The following CD226 variants were observed in gnomAD, a reference collection of about 807,000 sequenced individuals.
The protein encoded by CD226 is CD226 molecule.
Under a neutral mutation model 34.9 loss-of-function variants are expected in CD226, and 24 were observed. That is an observed-to-expected ratio of 0.69 (90% CI 0.50 to 0.97). The LOEUF (loss-of-function observed/expected upper bound fraction) is 0.97. CD226 is among the 50% of genes least tolerant of loss of function. The pLI is 0.00. For missense variants in CD226, 397 were observed against 412.7 expected (o/e 0.96, Z 0.33); for synonymous variants, 148 against 147.4 (o/e 1.00, Z -0.03).
chr18:69,943,973 CTT>C (rs11350418), intron 2 of CD226, among the ~76,000 whole-genome samples: 138 of 136,858 alleles, frequency 1.0e-3, no homozygotes, highest in Admixed American at 1.1e-3. Context: ...GATTCCAAGT[CTT>C]TTTTTTTTTT....
intron 2 of CD226, among the ~76,000 whole-genome samples, chr18:69,936,332 G>A (rs1349676466): frequency 1.3e-5 from 2 of 152,140 alleles, no homozygotes; most frequent in Non-Finnish European, 2.9e-5. Context: ...GCTTAGCACA[G>A]GGAAAGCACG....
intron 3 of CD226, among the ~76,000 whole-genome samples, chr18:69,887,725 T>A (rs960457433): frequency 5.3e-5 from 8 of 152,222 alleles, no homozygotes; most frequent in African/African-American, 1.9e-4. Flanking sequence ...GCCACTCATA[T>A]CTAAAGGATT....
At chr18:69,957,843 G>A (rs938184693), upstream of CD226, among the ~76,000 whole-genome samples, 4 of 152,176 alleles carry the variant, frequency 2.6e-5, no homozygotes, top group Admixed American at 6.5e-5. Flanking sequence ...TCCCTTCAAT[G>A]CCTCACTGTC....
In CD226 at chr18:69,922,696, C is replaced by A. The variant is rs193136756; in HGVS notation, c.382+24038G>T. On this transcript the variant is annotated intron_variant, in intron 2 of 5. Transcript: ENST00000582621. ...AAATCTTATCTAGTCAAGAAACAGA[C>A]CAGGCCATTGTGAGGATGCACAGTG... Among the ~76,000 whole-genome samples, 193 of 152,270 alleles carry A rather than the reference C, an allele frequency of 1.3e-3. 4 individuals carry two copies. The highest frequency in any genetic ancestry group is 0.013 in the South Asian group (61 of 4,830).
rs886461014 is a variant in CD226 at position 69,941,295 on chromosome 18, G to T, written c.382+5439C>A. Among the ~76,000 whole-genome samples, 4 of 152,300 alleles carry T rather than the reference G, an allele frequency of 2.6e-5. No homozygotes were observed. In the East Asian group the frequency reaches 7.7e-4, roughly 29 times the overall value. ...TGTCTAGTAGAGCTGTGAGAAGAGG[G>T]CCACCATCCTTCAGACCCCACAATC... is the stretch of plus-strand genomic sequence containing the variant. On this transcript the variant is annotated intron_variant, in intron 2 of 5. Transcript: ENST00000582621.
intron 3 of CD226, among the ~76,000 whole-genome samples, chr18:69,875,139 AATTTT>A (rs1280978241): frequency 9.2e-5 from 14 of 151,936 alleles, no homozygotes; most frequent in African/African-American, 2.9e-4. Flanking sequence ...ATTTTATTTT[AATTTT>A]ATTTTATTTT....
chr18:69,952,090 A>T (rs1271110573), upstream of CD226, among the ~76,000 whole-genome samples: 2 of 152,228 alleles, frequency 1.3e-5, no homozygotes, highest in African/African-American at 2.4e-5. Context: ...AATACTACAC[A>T]GCCCTAAAAA....
intron 3 of CD226, among the ~76,000 whole-genome samples, chr18:69,877,150 C>G (rs951398775): frequency 6.6e-6 from 1 of 152,200 alleles, no homozygotes; most frequent in Non-Finnish European, 1.5e-5. Flanking sequence ...AGGCGTGAGC[C>G]ACCGTGCCCA....
chr18:69,954,042 T>C (rs2055876446), intron 1 of CD226, among the ~76,000 whole-genome samples: 1 of 152,078 alleles, frequency 6.6e-6, no homozygotes, highest in Non-Finnish European at 1.5e-5. Context: ...GACTAAATCT[T>C]AGGTGAACAA....
chr18:69,951,411 C>T (rs2055853237), upstream of CD226, among the ~76,000 whole-genome samples: 1 of 152,066 alleles, frequency 6.6e-6, no homozygotes, highest in Admixed American at 6.5e-5. Flanking sequence ...TTCTCTCCAT[C>T]CTTGTTTCTA....
At chr18:69,937,662 A>G (rs1256038270) in intron 2 of CD226, among the ~76,000 whole-genome samples, 2 of 152,300 alleles carry the variant, frequency 1.3e-5, no homozygotes, top group African/African-American at 2.4e-5. Flanking sequence ...GAATTAATGG[A>G]TAAGTGGGTT....
At chr18:69,904,873 G>T (rs1459923131) in intron 2 of CD226, among the ~76,000 whole-genome samples, 2 of 152,160 alleles carry the variant, frequency 1.3e-5, no homozygotes, top group Admixed American at 1.3e-4. Flanking sequence ...AACAGAAAAA[G>T]ACATCAAGAG....
chr18:69,948,502 T>G (rs546306916), upstream of CD226, among the ~76,000 whole-genome samples: 1 of 152,320 alleles, frequency 6.6e-6, no homozygotes, highest in African/African-American at 2.4e-5. Context: ...AGTCTCAAAG[T>G]GTATCAGCAA....
At chr18:69,948,762 C>T (rs1203347750), upstream of CD226, among the ~76,000 whole-genome samples, 1 of 152,228 alleles carries the variant, frequency 6.6e-6, no homozygotes, top group Non-Finnish European at 1.5e-5. Flanking sequence ...GTCAACCCAA[C>T]AATTCCTCCA....
chr18:69,872,984 C>T (rs1218936709), intron 4 of CD226, among the ~76,000 whole-genome samples, 160 bp downstream of exon 4: 2 of 152,164 alleles, frequency 1.3e-5, no homozygotes, highest in Non-Finnish European at 2.9e-5. Context: ...TATTCCAGCT[C>T]TCCCTGTAAC....
chr18:69,930,543 T>A lies in CD226; in HGVS notation c.382+16191A>T, dbSNP rs545491094. Among the ~76,000 whole-genome samples the A allele has an allele frequency of 1.8e-4, 28 of 152,100 alleles. No homozygotes were observed. The South Asian group carries it at 4.1e-3, about 23-fold the overall frequency. Reference sequence around the variant, plus strand: ...CCAGTCTAAGCAACGTGAACTCTGATTTTTGAACCTCATACAACACGAAAG... The same window carrying A: ...CCAGTCTAAGCAACGTGAACTCTGAATTTTGAACCTCATACAACACGAAAG... On this transcript the variant is annotated intron_variant, in intron 2 of 5. Coordinates refer to ENST00000582621, the MANE Select transcript of CD226 (RefSeq NM_001303618.2).
At position 69,903,294 on chromosome 18, in the gene CD226, A is replaced by C. The variant is rs560337263; in HGVS notation, c.383-7249T>G. Among the ~76,000 whole-genome samples, 207 of 152,282 alleles carry C rather than the reference A, an allele frequency of 1.4e-3. 3 individuals carry two copies. The highest frequency in any genetic ancestry group is 4.9e-3 in the African/African-American group (202 of 41,558). ...TGTCAGGCAGCTTCAAGCAGAATAG[A>C]AACAGAAGCCTCTTCCCTAGAACGC... is the stretch of plus-strand genomic sequence containing the variant. On this transcript the variant is annotated intron_variant, in intron 2 of 5. Coordinates refer to ENST00000582621, the MANE Select transcript of CD226 (RefSeq NM_001303618.2).
At position 69,861,964 on chromosome 18, in the gene CD226, T is replaced by C. The variant is rs1599364943; in HGVS notation, c.*2350A>G. ...ATTCCTGAAAAAACCCTACACTCTG[T>C]AGAGGAAGAATATATAGAGAAGAAA... On this transcript the variant is annotated 3_prime_UTR_variant, in exon 6 of 6. Transcript: ENST00000582621. 6.6e-6 allele frequency: 1 copy of C among 152,120 alleles called. No homozygotes were observed. Among genetic ancestry groups the C allele is most frequent in the Non-Finnish European group, 1.5e-5 (1 of 67,984 alleles). The allele number at this position is 152,120 out of a possible 1,614,324, so 9.4% of individuals were successfully genotyped here. A position where few individuals can be genotyped will look rare whatever the true frequency, so the allele number is the denominator to read the frequency against.
At chr18:69,936,529 G>A (rs1351166957) in intron 2 of CD226, among the ~76,000 whole-genome samples, 1 of 152,024 alleles carries the variant, frequency 6.6e-6, no homozygotes, top group East Asian at 1.9e-4. Context: ...CCTTTAAAAT[G>A]TTTCTGCTTC....
Sources: allele counts gnomAD v4.1 joint callset (sites outside exome capture counted in the v4.1 genomes callset), GRCh38; gene constraint gnomAD v4.1.1; transcripts MANE v1.5; gene names NCBI Gene and HGNC (gene_info 2026-07-23, HGNC 2026-07-21).